The following VWA5B2 variants were observed in gnomAD, a reference collection of about 807,000 sequenced individuals.
VWA5B2 encodes von Willebrand factor A domain containing 5B2.
Under a neutral mutation model 118.5 loss-of-function variants are expected in VWA5B2, and 93 were observed. That is an observed-to-expected ratio of 0.79 (90% CI 0.66 to 0.93). The LOEUF (loss-of-function observed/expected upper bound fraction) is 0.93, where lower values mean the gene tolerates loss of function less well. Among genes scored for constraint, VWA5B2 ranks in the 40% least tolerant of loss-of-function variants. VWA5B2 has a pLI of 0.00. For missense variants in VWA5B2, 1,546 were observed against 1,672.8 expected, an observed-to-expected ratio of 0.92 and a Z score of 1.32; for synonymous variants, 708 against 716.3, an observed-to-expected ratio of 0.99 and a Z score of 0.19.
In VWA5B2 at chr3:184,233,016, T is replaced by TCATCTCATGCCTCCATC; in HGVS notation, c.311-160_311-144dup. ...GTTAGTCTGCCTCTCCTGCCATCATTCATCTCATGCCTCCATCCTGCGTCA... is the reference window on the plus strand; with the variant it reads ...GTTAGTCTGCCTCTCCTGCCATCATTCATCTCATGCCTCCATCCATCTCATGCCTCCATCCTGCGTCA... On this transcript the variant is annotated intron_variant, in intron 3 of 19. Transcript: ENST00000691901. The surrounding 1 kb of genome is among the most constrained non-coding windows in gnomAD (Gnocchi z 5.2). 7.9e-6 allele frequency: 5 copies of TCATCTCATGCCTCCATC among 631,386 alleles called. No individual in the cohort carries two copies. Among genetic ancestry groups the TCATCTCATGCCTCCATC allele is most frequent in the Non-Finnish European group, 1.4e-5 (5 of 358,654 alleles). The allele number at this position is 631,386 out of a possible 1,614,324, so 39.1% of individuals were successfully genotyped here.
At position 184,238,398 on chromosome 3, in the gene VWA5B2, C is replaced by T; in HGVS notation, c.1815C>T (p.Gly605=). 1 of 1,550,792 alleles carries T rather than the reference C, an allele frequency of 6.4e-7. No individual in the cohort carries two copies. Among genetic ancestry groups the T allele is most frequent in the African/African-American group, 1.4e-5 (1 of 73,150 alleles). ...SAASPGTEPT[G]TSEPLGTGTV... ...CCAGCCCTGGCACTGAGCCCACTGG[C>T]ACCTCAGAGCCACTGGGAACAGGCA... Residue 605 remains glycine (G), a synonymous_variant, in exon 13 of 20, where the codon GGC becomes GGT. Coordinates refer to ENST00000691901, the MANE Select transcript of VWA5B2 (RefSeq NM_001390846.1). This position sits in a 1 kb window ranked among gnomAD's most constrained non-coding sequence, Gnocchi z 5.0.
intron 16 of VWA5B2, 148 bp from the exon 17 acceptor site, chr3:184,240,643 G>C: frequency 9.0e-7 from 1 of 1,116,616 alleles, no homozygotes; most frequent in Non-Finnish European, 1.2e-6. Flanking sequence ...AAGTTGGGGA[G>C]TCTGAGCTGG....
rs1175902508 is a variant in VWA5B2, at chr3:184,234,641, G to A, written c.831G>A (p.Gln277=). 2.6e-6 allele frequency: 4 copies of A among 1,551,244 alleles called. No individual in the cohort carries two copies. The highest frequency in any genetic ancestry group is 2.7e-5 in the African/African-American group (2 of 73,060). ...GTCCTCTCCTCTCAGAGCCCCATCA[G>A]CCACACCTGATGCTGGAGGGCGGCA... ...EILLHPSEPH[Q]PHLMLEGGSL... Residue 277 remains glutamine, a synonymous_variant, in exon 7 of 20, where the codon CAG becomes CAA. Coordinates refer to ENST00000691901, the MANE Select transcript of VWA5B2 (RefSeq NM_001390846.1).
intron 16 of VWA5B2, chr3:184,240,542 C>G: frequency 1.8e-6 from 1 of 548,086 alleles, no homozygotes; most frequent in Non-Finnish European, 3.2e-6. Flanking sequence ...AATGCTTCCT[C>G]TGGGTGTTGT....
chr3:184,237,382 G>A lies in VWA5B2; in HGVS notation c.1690G>A (p.Val564Met), dbSNP rs1287365213. The change falls in exon 12 of 20, where the codon GTG becomes ATG. Residue 564 changes from valine to methionine, a missense_variant. Val to Met is a conservative substitution (Grantham distance 21, BLOSUM62 1). Transcript: ENST00000691901. The surrounding 1 kb of genome is among the most constrained non-coding windows in gnomAD (Gnocchi z 5.6). ...QLLGYCSLFR[V>M]DGFRSRPPGG... ...GCTCGGTTACTGCTCACTCTTCAGG[G>A]TGGATGGCTTCCGGTCCCGCCCACC... is the stretch of plus-strand genomic sequence containing the variant. 1 of 1,550,646 alleles carries A rather than the reference G, an allele frequency of 6.4e-7. No homozygotes were observed. Among genetic ancestry groups the A allele is most frequent in the Non-Finnish European group, 8.7e-7 (1 of 1,146,536 alleles).
rs1382183611 is a variant in VWA5B2 at position 184,233,931 on chromosome 3, G to A, written c.688+198G>A. On this transcript the variant is annotated intron_variant, in intron 5 of 19. Coordinates refer to ENST00000691901, the MANE Select transcript of VWA5B2 (RefSeq NM_001390846.1). The surrounding 1 kb of genome is among the most constrained non-coding windows in gnomAD (Gnocchi z 5.2). ...AACACACACACCCCAATTTTATCAA[G>A]GTAATTTATTTATATCTCATCCCAC... Among the ~76,000 whole-genome samples, 2 of 152,106 alleles carry A rather than the reference G, an allele frequency of 1.3e-5. No homozygotes were observed. The highest frequency in any genetic ancestry group is 4.8e-5 in the African/African-American group (2 of 41,396).
chr3:184,241,038 C>T lies in VWA5B2; in HGVS notation c.2893C>T (p.Pro965Ser), dbSNP rs1368662259. The change falls in exon 18 of 20, where the codon CCA becomes TCA. Residue 965 changes from proline to serine, a missense_variant. By Grantham distance (74) the Pro-to-Ser change is moderately conservative. This residue lies in a region of VWA5B2 where 763 missense variants were observed against 766.6 expected (regional missense o/e 1.00). Coordinates refer to ENST00000691901, the MANE Select transcript of VWA5B2 (RefSeq NM_001390846.1). The surrounding 1 kb of genome is among the most constrained non-coding windows in gnomAD (Gnocchi z 5.1). ...TGCCCCTGCAGAGCCCGCTGAGCCC[C>T]CAGGAACCCCTCCTGCCTCTCACAG... ...QVCSSEPAEP[P>S]GTPPASHSHL... 5 of 1,551,560 alleles carry T rather than the reference C, an allele frequency of 3.2e-6. No individual in the cohort carries two copies. The South Asian group carries it at 5.9e-5, about 18-fold the overall frequency.
intron 6 of VWA5B2, 29 bp downstream of exon 6, chr3:184,234,426 G>A (rs1314699472): frequency 1.9e-6 from 3 of 1,550,130 alleles, no homozygotes; most frequent in Non-Finnish European, 2.6e-6. Flanking sequence ...CCGTGGGCCG[G>A]CTCTGACCTG....
Position 184,230,799 on chromosome 3 carries a change from C to G in VWA5B2, c.192C>G (p.Ala64=), listed in dbSNP as rs1438962335. Residue 64 remains alanine, a synonymous_variant, in exon 3 of 20, where the codon GCC becomes GCG. Coordinates refer to ENST00000691901, the MANE Select transcript of VWA5B2 (RefSeq NM_001390846.1). ...AEAEVVSGFE[A]EAAGRRVSFQ... ...CCGAGGTGGTGTCCGGCTTCGAGGC[C>G]GAGGCCGCCGGACGGCGCGTCTCCT... 8.0e-7 allele frequency: 1 copy of G among 1,246,858 alleles called. No individual in the cohort carries two copies. Among genetic ancestry groups the G allele is most frequent in the Non-Finnish European group, 1.0e-6 (1 of 996,106 alleles). 77.2% of individuals were successfully genotyped at this position (1,246,858 alleles called of 1,614,324 possible).
rs1456487045 is a variant in VWA5B2, at chr3:184,242,024, C to G, written c.3715C>G (p.Pro1239Ala). The G allele has an allele frequency of 6.5e-7, 1 of 1,549,818 alleles. No individual in the cohort carries two copies. Among genetic ancestry groups the G allele is most frequent in the Non-Finnish European group, 8.7e-7 (1 of 1,146,966 alleles). Residue 1239 changes from proline (P) to alanine (A), a missense_variant, in exon 20 of 20, where the codon CCA becomes GCA. Pro to Ala is a conservative substitution (Grantham distance 27). Coordinates refer to ENST00000691901, the MANE Select transcript of VWA5B2 (RefSeq NM_001390846.1). ...NLQLHLLCYS[P>A]ANV ...GCAGCTACACCTGCTGTGCTACAGC[C>G]CAGCGAACGTGTGAAGGCTGCCCCC...
At chr3:184,230,313 G>C in intron 1 of VWA5B2, 67 bp from the exon 2 acceptor site, 2 of 506,142 alleles carry the variant, frequency 4.0e-6, no homozygotes, top group Non-Finnish European at 6.5e-6. Flanking sequence ...CAGGTAACGC[G>C]TGAGGATGCC....
chr3:184,238,744 C>T lies in VWA5B2; in HGVS notation c.2073C>T (p.Gly691=). ...TGSSESPGSQ[G]PGSPEGSAPL... ...GCAGTGAGTCCCCAGGCTCACAGGG[C>T]CCTGGCTCCCCCGAAGGTAGTGCTC... is the stretch of plus-strand genomic sequence containing the variant. The change falls in exon 14 of 20, where the codon GGC becomes GGT. Residue 691 remains glycine (G), a synonymous_variant. Transcript: ENST00000691901. The surrounding 1 kb of genome is among the most constrained non-coding windows in gnomAD (Gnocchi z 5.0). 1 of 1,550,866 alleles carries T rather than the reference C, an allele frequency of 6.4e-7. No homozygotes were observed.
intron 3 of VWA5B2, among the ~76,000 whole-genome samples, chr3:184,231,800 A>G (rs372045166): frequency 6.6e-6 from 1 of 152,210 alleles, no homozygotes; most frequent in Non-Finnish European, 1.5e-5. Flanking sequence ...TTTGCAATCC[A>G]GGTAAGAAGA....
At position 184,242,067 on chromosome 3, in the gene VWA5B2, C is replaced by A. The variant is rs767010585; in HGVS notation, c.*29C>A. ...CTGCCCCCTGCTGCTTGGGCTGGCGCCCCACCCAACACACTCAAGTCACTG... is the reference window on the plus strand; with the variant it reads ...CTGCCCCCTGCTGCTTGGGCTGGCGACCCACCCAACACACTCAAGTCACTG... On this transcript the variant is annotated 3_prime_UTR_variant, in exon 20 of 20. Transcript: ENST00000691901. The A allele has an allele frequency of 1.8e-5, 28 of 1,543,806 alleles. No individual in the cohort carries two copies. Among genetic ancestry groups the A allele is most frequent in the Non-Finnish European group, 1.5e-5 (17 of 1,146,446 alleles).
intron 7 of VWA5B2, 197 bp downstream of exon 7, chr3:184,234,952 G>T: frequency 9.2e-7 from 1 of 1,083,586 alleles, no homozygotes; most frequent in Non-Finnish European, 1.3e-6. Flanking sequence ...TCTGGGGTGT[G>T]TCTCAGAGGA....
Position 184,238,995 on chromosome 3 carries a change from C to A in VWA5B2, c.2202+122C>A. ...TAGCTAGAGAGAAAGGTGGGTAAATCCCCAACGATACCATGTAACAACCAG... is the reference window on the plus strand; with the variant it reads ...TAGCTAGAGAGAAAGGTGGGTAAATACCCAACGATACCATGTAACAACCAG... On this transcript the variant is annotated intron_variant, in intron 14 of 19. Coordinates refer to ENST00000691901, the MANE Select transcript of VWA5B2 (RefSeq NM_001390846.1). This position sits in a 1 kb window ranked among gnomAD's most constrained non-coding sequence, Gnocchi z 5.0. 9.2e-7 allele frequency: 1 copy of A among 1,082,882 alleles called. No individual in the cohort carries two copies. 67.1% of individuals were successfully genotyped at this position (1,082,882 alleles called of 1,614,324 possible).
rs748476714 is a variant in VWA5B2 at position 184,239,406 on chromosome 3, A to G, written c.2215A>G (p.Ser739Gly). ...TPAPFKVGAL[S>G]TEVLGRQHRA... is the part of the protein sequence containing the mutation. Reference sequence around the variant, plus strand: ...ATCTCACATGCAGGTGGGGGCCTTGAGTACTGAGGTGCTGGGCCGTCAGCA... The same window carrying G: ...ATCTCACATGCAGGTGGGGGCCTTGGGTACTGAGGTGCTGGGCCGTCAGCA... The change falls in exon 15 of 20, where the codon AGT becomes GGT. Residue 739 changes from serine (S) to glycine (G), a missense_variant. By Grantham distance (56) the Ser-to-Gly change is moderately conservative. Coordinates refer to ENST00000691901, the MANE Select transcript of VWA5B2 (RefSeq NM_001390846.1). This position sits in a 1 kb window ranked among gnomAD's most constrained non-coding sequence, Gnocchi z 5.1. 1.8e-5 allele frequency: 27 copies of G among 1,541,434 alleles called. No homozygotes were observed. Among genetic ancestry groups the G allele is most frequent in the Non-Finnish European group, 2.2e-5 (25 of 1,140,380 alleles).
At position 184,242,048 on chromosome 3, in the gene VWA5B2, C is replaced by T. The variant is rs1037822283; in HGVS notation, c.*10C>T. On this transcript the variant is annotated 3_prime_UTR_variant, in exon 20 of 20. Transcript: ENST00000691901. ...CCCAGCGAACGTGTGAAGGCTGCCC[C>T]CTGCTGCTTGGGCTGGCGCCCCACC... The T allele has an allele frequency of 2.2e-5, 34 of 1,547,900 alleles. No homozygotes were observed. The highest frequency in any genetic ancestry group is 2.9e-5 in the Non-Finnish European group (33 of 1,146,908).
rs965389058 is a variant in VWA5B2, at chr3:184,238,329, G to C, written c.1746G>C (p.Ser582=). The change falls in exon 13 of 20, where the codon TCG becomes TCC. Residue 582 remains serine, a synonymous_variant. Transcript: ENST00000691901. The surrounding 1 kb of genome is among the most constrained non-coding windows in gnomAD (Gnocchi z 5.0). ...PGGQEPGWQS[S]GGSVFPSPEE... ...GCCAAGAGCCTGGCTGGCAGAGCTC[G>C]GGTGGGTCCGTGTTTCCATCCCCAG... 1.9e-5 allele frequency: 30 copies of C among 1,541,420 alleles called. No individual in the cohort carries two copies. The highest frequency in any genetic ancestry group is 2.5e-5 in the Non-Finnish European group (29 of 1,141,524).
Sources: gnomAD v4.1 joint callset for allele counts (sites outside exome capture counted in the v4.1 genomes callset) on GRCh38, gnomAD v4.1.1 for gene constraint, gnomAD v4.1.1 regional missense constraint, Gnocchi (gnomAD v3.1) non-coding constraint, MANE v1.5 for transcripts, NCBI Gene and HGNC (gene_info 2026-07-23, HGNC 2026-07-21) for gene names.